PCDHA7: variants seen among roughly 807,000 people sequenced by gnomAD.
The protein encoded by PCDHA7 is protocadherin alpha 7.
PCDHA7 carries 37 observed loss-of-function variants against 57.2 expected under a neutral mutation model. The ratio of observed to expected loss-of-function variants is 0.65; its 90% CI spans 0.50 to 0.85. The LOEUF (loss-of-function observed/expected upper bound fraction) is 0.85. Among genes scored for constraint, PCDHA7 ranks in the 40% least tolerant of loss-of-function variants. The pLI, the probability that PCDHA7 is intolerant of heterozygous loss-of-function variation, is 0.00. For missense variants in PCDHA7, 1,188 were observed against 1,241.8 expected, an observed-to-expected ratio of 0.96 and a Z score of 0.65; for synonymous variants, 553 against 558.8, an observed-to-expected ratio of 0.99 and a Z score of 0.15.
chr5:141,010,949 C>T lies in PCDHA7; in HGVS notation c.*1012C>T, dbSNP rs1554263219. The T allele has an allele frequency of 6.5e-6, 1 of 153,762 alleles. No individual in the cohort carries two copies. Among genetic ancestry groups the T allele is most frequent in the African/African-American group, 2.4e-5 (1 of 41,442 alleles). 9.5% of individuals were successfully genotyped at this position (153,762 alleles called of 1,614,324 possible). On this transcript the variant is annotated 3_prime_UTR_variant, in exon 4 of 4. Transcript: ENST00000525929. ...TTCAGTCTACAGCCATTTAAATGAT[C>T]ATTGCTGCTACAGAAGTGCTTTAAG...
chr5:140,875,738 G>T lies in PCDHA7; in HGVS notation c.2355+39000G>T, dbSNP rs1197047985. 12 of 1,614,086 alleles carry T rather than the reference G, an allele frequency of 7.4e-6. No homozygotes were observed. The highest frequency in any genetic ancestry group is 3.3e-5 in the Admixed American group (2 of 60,008). ...AATGGCATTTTGTTTGTGAATTCTC[G>T]GATCGACCGCGAGAAGCTGTGCGGG... On this transcript the variant is annotated intron_variant, in intron 1 of 3. Coordinates refer to ENST00000525929, the MANE Select transcript of PCDHA7 (RefSeq NM_018910.3).
chr5:140,855,191 C>T (rs1029956602), intron 1 of PCDHA7, among the ~76,000 whole-genome samples: 1 of 149,742 alleles, frequency 6.7e-6, no homozygotes, highest in East Asian at 1.9e-4. Flanking sequence ...CAAATTGAGG[C>T]CTGAGAATAG....
intron 1 of PCDHA7, among the ~76,000 whole-genome samples, chr5:140,844,931 A>C (rs1262967576): frequency 6.7e-6 from 1 of 149,362 alleles, no homozygotes; most frequent in Non-Finnish European, 1.5e-5. Flanking sequence ...GAAGGGAATG[A>C]ACGATTTCTG....
chr5:140,869,835 A>G (rs782478328), intron 1 of PCDHA7: 160 of 1,611,656 alleles, frequency 9.9e-5, no homozygotes, highest in Non-Finnish European at 1.3e-4. Context: ...AGTTTGATAA[A>G]TCAGAATATA....
chr5:140,966,894 A>C, intron 1 of PCDHA7: 1 of 1,596,438 alleles, frequency 6.3e-7, no homozygotes, highest in African/African-American at 1.3e-5. Flanking sequence ...GCGGCCTCCC[A>C]GCTGCGATAC....
rs1412430465 is a variant in PCDHA7 at position 141,010,516 on chromosome 5, A to C, written c.*579A>C. On this transcript the variant is annotated 3_prime_UTR_variant, in exon 4 of 4. Transcript: ENST00000525929. ...CCAGACTTTCTAAATCTTACAACTC[A>C]AGAGGTGGCAGCCACCCTCTAGGAG... 4.2e-6 allele frequency: 2 copies of C among 477,698 alleles called. No individual in the cohort carries two copies. The highest frequency in any genetic ancestry group is 7.8e-5 in the Admixed American group (2 of 25,754). The allele number at this position is 477,698 out of a possible 1,614,324, so 29.6% of individuals were successfully genotyped here.
rs1554163586 is a variant in PCDHA7, at chr5:140,869,907, C to T, written c.2355+33169C>T. ...TTGTGCTCAAACTAAACGCCACAGA[C>T]CGAGACGAAGGAGTCAATGGAGAGG... is the stretch of plus-strand genomic sequence containing the variant. On this transcript the variant is annotated intron_variant, in intron 1 of 3. Transcript: ENST00000525929. 1.9e-6 allele frequency: 3 copies of T among 1,610,738 alleles called. No individual in the cohort carries two copies. The East Asian group carries it at 6.7e-5, about 36-fold the overall frequency.
In PCDHA7 at chr5:141,009,947, A is replaced by G; in HGVS notation, c.*10A>G. On this transcript the variant is annotated 3_prime_UTR_variant, in exon 4 of 4. Coordinates refer to ENST00000525929, the MANE Select transcript of PCDHA7 (RefSeq NM_018910.3). ...CAACAGTGACCAGTGAGGTCCTCAAATGGAAACAAGCCACTTAGCCAGTTT... is the reference window on the plus strand; with the variant it reads ...CAACAGTGACCAGTGAGGTCCTCAAGTGGAAACAAGCCACTTAGCCAGTTT... The G allele has an allele frequency of 1.9e-6, 3 of 1,596,272 alleles. No individual in the cohort carries two copies. The South Asian group carries it at 3.4e-5, about 18-fold the overall frequency.
chr5:140,839,928 G>A (rs1237791336), intron 1 of PCDHA7, among the ~76,000 whole-genome samples: 1 of 152,036 alleles, frequency 6.6e-6, no homozygotes, highest in Non-Finnish European at 1.5e-5. Context: ...CTTGAACAAA[G>A]AGTGTGCCAA....
At chr5:140,989,829 C>A (rs1554251113) in intron 3 of PCDHA7, among the ~76,000 whole-genome samples, 3 of 152,124 alleles carry the variant, frequency 2.0e-5, no homozygotes, top group Non-Finnish European at 2.9e-5. Context: ...TGCCAGGAAG[C>A]CTGTCAATGA....
At chr5:140,966,477 T>C in intron 1 of PCDHA7, 1 of 432,754 alleles carries the variant, frequency 2.3e-6, no homozygotes, top group Non-Finnish European at 4.0e-6. Context: ...TTCTGTTTCC[T>C]TTTCCCTCCC....
intron 1 of PCDHA7, among the ~76,000 whole-genome samples, chr5:140,839,552 A>G (rs2150298794): frequency 0.059 from 9,014 of 151,912 alleles, 957 homozygotes; most frequent in African/African-American, 0.21. Flanking sequence ...ACCATGCCCA[A>G]CTAATTTTTG....
intron 1 of PCDHA7, chr5:140,871,274 C>T (rs1554165360): frequency 6.2e-7 from 1 of 1,613,824 alleles, no homozygotes; most frequent in East Asian, 2.2e-5. Flanking sequence ...TGGTGGTCGG[C>T]AACGCCCACT....
At chr5:140,877,097 T>G in intron 1 of PCDHA7, 1 of 1,613,308 alleles carries the variant, frequency 6.2e-7, no homozygotes. Context: ...GACGCCGGCG[T>G]GCCGCCTCTG....
At position 140,834,409 on chromosome 5, in the gene PCDHA7, CA is replaced by C. The variant is rs1179533685; in HGVS notation, c.27del (p.Gly11AlafsTer9). The C allele has an allele frequency of 1.2e-6, 2 of 1,610,410 alleles. No individual in the cohort carries two copies. Among genetic ancestry groups the C allele is most frequent in the Non-Finnish European group, 1.7e-6 (2 of 1,177,772 alleles). On this transcript the variant is annotated frameshift_variant, in exon 1 of 4. Transcript: ENST00000525929. LOFTEE classifies it high-confidence loss of function. MVCPNGYD[P>X]GGRHLLLFII... The stretch of plus-strand genomic sequence containing the variant: ...ATGGTGTGCCCGAATGGATACGACC[CA>C]GGGGGCCGACATCTACTGCTGTTTA...
chr5:140,896,748 A>T (rs1554187100), intron 1 of PCDHA7, among the ~76,000 whole-genome samples: 1 of 151,856 alleles, frequency 6.6e-6, no homozygotes, highest in African/African-American at 2.4e-5. Context: ...TAGATTCTGG[A>T]TATTAGACCT....
chr5:140,881,259 C>T (rs1285019236), intron 1 of PCDHA7: 6 of 524,478 alleles, frequency 1.1e-5, no homozygotes, highest in Non-Finnish European at 9.8e-6. Flanking sequence ...AGGTTTTACT[C>T]AGTGATGATG....
intron 1 of PCDHA7, among the ~76,000 whole-genome samples, chr5:140,972,087 A>G (rs1372467840): frequency 3.3e-5 from 5 of 152,192 alleles, no homozygotes; most frequent in Non-Finnish European, 7.3e-5. Context: ...AAAAAGAGTA[A>G]TTTCTGGCAT....
chr5:140,926,948 CG>C, intron 1 of PCDHA7: 2 of 1,589,778 alleles, frequency 1.3e-6, no homozygotes, highest in African/African-American at 1.3e-5. Context: ...GGCGCTGCAG[CG>C]GGACAGCTCG....
Sources: allele counts gnomAD v4.1 joint callset (sites outside exome capture counted in the v4.1 genomes callset), GRCh38; gene constraint gnomAD v4.1.1; transcripts MANE v1.5; gene names NCBI Gene and HGNC (gene_info 2026-07-23, HGNC 2026-07-21).